Variants in NTRK3 observed in about 807,000 individuals in gnomAD.
NTRK3 encodes neurotrophic receptor tyrosine kinase 3.
Under a neutral mutation model 91.7 loss-of-function variants are expected in NTRK3, and 24 were observed. That is an observed-to-expected ratio of 0.26 (90% CI 0.19 to 0.37). The LOEUF (loss-of-function observed/expected upper bound fraction) is 0.37, where lower values mean the gene tolerates loss of function less well. Among genes scored for constraint, NTRK3 ranks in the 10% least tolerant of loss-of-function variants. The pLI, the probability that NTRK3 is intolerant of heterozygous loss-of-function variation, is 1.00. For synonymous variants in NTRK3, 483 were observed against 404.0 expected, an observed-to-expected ratio of 1.20 and a Z score of -2.34; for missense variants, 880 against 1,068.9, an observed-to-expected ratio of 0.82 and a Z score of 2.46.
chr15:88,092,234 C>T (rs1364683225), intron 13 of NTRK3, among the ~76,000 whole-genome samples: 1 of 152,216 alleles, frequency 6.6e-6, no homozygotes, highest in Non-Finnish European at 1.5e-5. Context: ...GCTATCTCAG[C>T]CGCTCAGTGT....
At chr15:88,001,285 G>C (rs67835375) in intron 14 of NTRK3, among the ~76,000 whole-genome samples, 1 of 152,022 alleles carries the variant, frequency 6.6e-6, no homozygotes, top group East Asian at 1.9e-4. Context: ...CATTCAGTGG[G>C]TTGCCTCTTC....
intron 5 of NTRK3, among the ~76,000 whole-genome samples, chr15:88,173,454 G>T (rs568494425): frequency 6.6e-6 from 1 of 152,294 alleles, no homozygotes; most frequent in South Asian, 2.1e-4. Flanking sequence ...TGCCACTCCT[G>T]CATCGACATA....
intron 17 of NTRK3, chr15:87,916,709 C>T: frequency 1.6e-6 from 1 of 638,338 alleles, no homozygotes; most frequent in Non-Finnish European, 2.8e-6. Context: ...TGGTTTCCCA[C>T]CAGTCAAGAT....
chr15:88,188,838 AC>A (rs915053367), intron 3 of NTRK3, among the ~76,000 whole-genome samples: 1 of 152,204 alleles, frequency 6.6e-6, no homozygotes, highest in African/African-American at 2.4e-5. Context: ...TCTGGCTGGA[AC>A]CCACTGGCCA....
chr15:88,019,665 G>A (rs1326806224), intron 14 of NTRK3, among the ~76,000 whole-genome samples: 1 of 152,222 alleles, frequency 6.6e-6, no homozygotes, highest in East Asian at 1.9e-4. Context: ...CCATGTGTTT[G>A]GTTGTGATGC....
rs982833744 is a variant in NTRK3, at chr15:88,237,817, C to G, written c.248+18089G>C. On this transcript the variant is annotated intron_variant, in intron 3 of 18. Transcript: ENST00000394480. This position sits in a 1 kb window ranked among gnomAD's most constrained non-coding sequence, Gnocchi z 4.0. ...ATGAACTTCCACAGAATTCTGCACT[C>G]AGAAAATCTAAAAATGGTGCTTTAA... Among the ~76,000 whole-genome samples the G allele has an allele frequency of 6.6e-6, 1 of 152,118 alleles. No homozygotes were observed. The highest frequency in any genetic ancestry group is 2.4e-5 in the African/African-American group (1 of 41,430).
chr15:88,245,836 G>T (rs2052768142), intron 3 of NTRK3, among the ~76,000 whole-genome samples: 1 of 152,222 alleles, frequency 6.6e-6, no homozygotes, highest in African/African-American at 2.4e-5. Flanking sequence ...GCAGAGTCAT[G>T]ATCTAAAGCT....
chr15:88,034,150 G>A (rs145669248), intron 13 of NTRK3, among the ~76,000 whole-genome samples: 32 of 152,238 alleles, frequency 2.1e-4, no homozygotes, highest in African/African-American at 6.0e-4. Context: ...TGTTCACAGG[G>A]AGGTAAGTCC....
At chr15:87,883,011 A>G (rs2065336122) in intron 17 of NTRK3, among the ~76,000 whole-genome samples, 1 of 151,886 alleles carries the variant, frequency 6.6e-6, no homozygotes, top group South Asian at 2.1e-4. Flanking sequence ...CATGTCTAAA[A>G]CAAAATGGCA....
chr15:88,253,883 C>A (rs1598203797), intron 3 of NTRK3, among the ~76,000 whole-genome samples: 1 of 152,198 alleles, frequency 6.6e-6, no homozygotes, highest in African/African-American at 2.4e-5. Flanking sequence ...ACCTTTCTGG[C>A]AGCCTAGAAA....
intron 13 of NTRK3, among the ~76,000 whole-genome samples, chr15:88,076,672 T>TAA (rs34053167): frequency 5.6e-4 from 68 of 120,366 alleles, no homozygotes; most frequent in African/African-American, 1.9e-3. Flanking sequence ...TATACATATG[T>TAA]AAAAAAAAAA....
chr15:87,890,241 A>G (rs1377455511), intron 17 of NTRK3, among the ~76,000 whole-genome samples: 1 of 152,124 alleles, frequency 6.6e-6, no homozygotes, highest in African/African-American at 2.4e-5. Context: ...ATTCAATCTG[A>G]TATTATAAAG....
chr15:88,143,999 T>C (rs1278482063), intron 6 of NTRK3: 1 of 152,272 alleles, frequency 6.6e-6, no homozygotes, highest in Non-Finnish European at 1.5e-5. Context: ...GTTTCTGTGC[T>C]GTAGGTCTAC....
At chr15:88,090,404 A>AAGGAAGGG (rs60213200) in intron 13 of NTRK3, among the ~76,000 whole-genome samples, 25,888 of 151,926 alleles carry the variant, frequency 0.17, 3,172 homozygotes, top group African/African-American at 0.34. Context: ...AAAAGGAATG[A>AAGGAAGGG]AGGAAGGGAG....
intron 3 of NTRK3, among the ~76,000 whole-genome samples, chr15:88,227,578 G>T (rs1292757214): frequency 6.6e-6 from 1 of 152,118 alleles, no homozygotes; most frequent in African/African-American, 2.4e-5. Context: ...AAGGAGAGAG[G>T]CCCTAGAGGA....
chr15:87,888,109 G>A (rs934063050), intron 17 of NTRK3, among the ~76,000 whole-genome samples: 1 of 152,168 alleles, frequency 6.6e-6, no homozygotes, highest in Non-Finnish European at 1.5e-5. Context: ...GGCTACCTTG[G>A]TACCTTCCAC....
At chr15:87,934,384 A>T (rs921819250) in intron 15 of NTRK3, among the ~76,000 whole-genome samples, 6 of 152,218 alleles carry the variant, frequency 3.9e-5, no homozygotes, top group Non-Finnish European at 8.8e-5. Flanking sequence ...GACAATCTAG[A>T]CAGACTAGAG....
At chr15:87,928,786 G>A (rs1326567521) in intron 17 of NTRK3, 2 of 289,806 alleles carry the variant, frequency 6.9e-6, no homozygotes, top group Non-Finnish European at 1.3e-5. Context: ...AATAAAATGT[G>A]TCATGGGTGA....
At chr15:88,098,473 A>T (rs56156796) in intron 13 of NTRK3, 27,820 of 206,574 alleles carry the variant, frequency 0.13, 2,569 homozygotes, top group African/African-American at 0.27. Context: ...CGCGCATGAG[A>T]CATTAAGGCG....
Sources: allele counts gnomAD v4.1 joint callset (sites outside exome capture counted in the v4.1 genomes callset), GRCh38; gene constraint gnomAD v4.1.1; non-coding constraint Gnocchi (gnomAD v3.1); transcripts MANE v1.5; gene names NCBI Gene and HGNC (gene_info 2026-07-23, HGNC 2026-07-21).